SCUBE1: variants seen among roughly 807,000 people sequenced by gnomAD.
SCUBE1 encodes the protein signal peptide, CUB and EGF-like domain-containing protein 1.
A neutral mutation model predicts 124.4 loss-of-function variants in SCUBE1; 59 were observed. The ratio of observed to expected loss-of-function variants is 0.47; its 90% CI spans 0.38 to 0.59. The LOEUF is 0.59. Among genes scored for constraint, SCUBE1 ranks in the 20% least tolerant of loss-of-function variants. SCUBE1 has a pLI of 0.00. For synonymous variants in SCUBE1, 545 were observed against 550.9 expected (o/e 0.99, Z 0.15); for missense variants, 1,150 against 1,371.2 (o/e 0.84, Z 2.55).
At chr22:43,323,107 T>C (rs1180595077) in intron 2 of SCUBE1, among the ~76,000 whole-genome samples, 1 of 152,206 alleles carries the variant, frequency 6.6e-6, no homozygotes, top group African/African-American at 2.4e-5. Flanking sequence ...GACAAAATGC[T>C]TTATACATGA....
Position 43,198,655 on chromosome 22 carries a change from A to G in SCUBE1, c.*5342T>C, listed in dbSNP as rs1291235347. On this transcript the variant is annotated 3_prime_UTR_variant, in exon 22 of 22. Transcript: ENST00000360835. ...GCATCTTTGGTGAAAAGGGACCTCA[A>G]TGTCAGGTGCAGTTTGCCAGGGTGA... is the stretch of plus-strand genomic sequence containing the variant. The G allele has an allele frequency of 2.2e-6, 1 of 456,702 alleles. No individual in the cohort carries two copies. Among genetic ancestry groups the G allele is most frequent in the Admixed American group, 2.3e-5 (1 of 42,582 alleles). The allele number at this position is 456,702 out of a possible 1,614,324, so 28.3% of individuals were successfully genotyped here. A position where few individuals can be genotyped will look rare whatever the true frequency, so the allele number is the denominator to read the frequency against.
At chr22:43,302,781 G>C (rs543098341) in intron 3 of SCUBE1, among the ~76,000 whole-genome samples, 52 of 152,356 alleles carry the variant, frequency 3.4e-4, no homozygotes, top group Admixed American at 2.9e-3. Context: ...GGACTGGAGA[G>C]AGGGAAGGAG....
intron 2 of SCUBE1, among the ~76,000 whole-genome samples, chr22:43,320,461 G>A (rs1926506273): frequency 1.3e-5 from 2 of 152,210 alleles, no homozygotes; most frequent in Admixed American, 6.5e-5. Context: ...CATTTCAACT[G>A]CTCCAGCTTC....
intron 3 of SCUBE1, among the ~76,000 whole-genome samples, chr22:43,306,291 CACTT>C (rs1186578920): frequency 1.3e-5 from 2 of 152,176 alleles, no homozygotes; most frequent in Admixed American, 1.3e-4. Flanking sequence ...CTTCACAAGA[CACTT>C]ATTTATTTAT....
At chr22:43,311,799 C>A (rs1926179733) in intron 3 of SCUBE1, among the ~76,000 whole-genome samples, 1 of 151,998 alleles carries the variant, frequency 6.6e-6, no homozygotes, top group Non-Finnish European at 1.5e-5. Context: ...AAGAGCCCTG[C>A]GAGAGATATC....
intron 3 of SCUBE1, among the ~76,000 whole-genome samples, chr22:43,306,549 C>A (rs909193337): frequency 6.6e-6 from 1 of 152,100 alleles, no homozygotes; most frequent in Non-Finnish European, 1.5e-5. Flanking sequence ...ATCACGAACA[C>A]ACACTCCTAC....
chr22:43,253,654 G>A (rs545681860), intron 6 of SCUBE1, among the ~76,000 whole-genome samples: 2 of 146,658 alleles, frequency 1.4e-5, no homozygotes, highest in South Asian at 4.2e-4. Context: ...CCACTCCGGG[G>A]TCTGGTTCTG....
In SCUBE1 at chr22:43,202,141, ATG is replaced by A. The variant is rs1347555494; in HGVS notation, c.*1854_*1855del. On this transcript the variant is annotated 3_prime_UTR_variant, in exon 22 of 22. Coordinates refer to ENST00000360835, the MANE Select transcript of SCUBE1 (RefSeq NM_173050.5). The stretch of plus-strand genomic sequence containing the variant: ...CCGCGGAGCCCGCTACTGTGGGCAC[ATG>A]TGACGGCGTGAGTAATTGCTGAGCT... The A allele has an allele frequency of 6.6e-6, 1 of 152,262 alleles. No individual in the cohort carries two copies. Among genetic ancestry groups the A allele is most frequent in the Non-Finnish European group, 1.5e-5 (1 of 68,064 alleles). 9.4% of individuals were successfully genotyped at this position (152,262 alleles called of 1,614,324 possible). A position where few individuals can be genotyped will look rare whatever the true frequency, so the allele number is the denominator to read the frequency against.
chr22:43,284,495 G>A (rs1056200882), intron 4 of SCUBE1, among the ~76,000 whole-genome samples: 2 of 152,226 alleles, frequency 1.3e-5, no homozygotes, highest in African/African-American at 4.8e-5. Flanking sequence ...ACAACTGAGA[G>A]GGGTCCCAGA....
At position 43,198,582 on chromosome 22, in the gene SCUBE1, T is replaced by A. The variant is rs778404141; in HGVS notation, c.*5415A>T. The A allele has an allele frequency of 9.6e-5, 44 of 456,620 alleles. No individual in the cohort carries two copies. The highest frequency in any genetic ancestry group is 6.8e-4 in the South Asian group (44 of 64,578). 28.3% of individuals were successfully genotyped at this position (456,620 alleles called of 1,614,324 possible). A position where few individuals can be genotyped will look rare whatever the true frequency, so the allele number is the denominator to read the frequency against. ...CATCCTCACTCCACCCCTCATTACA[T>A]CCTCTGCCCTTGGCCTGAATGATGT... On this transcript the variant is annotated 3_prime_UTR_variant, in exon 22 of 22. Transcript: ENST00000360835.
chr22:43,211,093 G>T lies in SCUBE1; in HGVS notation c.2222-10C>A. ...CCGGGGGAGCAGTGCACTGCCGGGG[G>T]ACACAAGGCAGTGTGGTGGGTGTGG... On this transcript the variant is annotated splice_polypyrimidine_tract_variant and intron_variant, in intron 17 of 21. Coordinates refer to ENST00000360835, the MANE Select transcript of SCUBE1 (RefSeq NM_173050.5). The surrounding 1 kb of genome is among the most constrained non-coding windows in gnomAD (Gnocchi z 4.5). 6.2e-7 allele frequency: 1 copy of T among 1,603,982 alleles called. No homozygotes were observed. Among genetic ancestry groups the T allele is most frequent in the Non-Finnish European group, 8.5e-7 (1 of 1,175,006 alleles).
chr22:43,245,585 G>C (rs893196015), intron 6 of SCUBE1, among the ~76,000 whole-genome samples: 8 of 152,310 alleles, frequency 5.3e-5, no homozygotes, highest in Middle Eastern at 3.4e-3. Context: ...CGCTGCTCGT[G>C]TCTAAGGCTG....
intron 3 of SCUBE1, among the ~76,000 whole-genome samples, chr22:43,296,165 G>A (rs540626069): frequency 1.3e-5 from 2 of 152,288 alleles, no homozygotes; most frequent in East Asian, 1.9e-4. Flanking sequence ...CTACCCTGGC[G>A]ACCCCACACA....
chr22:43,296,284 C>G (rs973963249), intron 3 of SCUBE1, among the ~76,000 whole-genome samples: 4 of 152,216 alleles, frequency 2.6e-5, no homozygotes, highest in African/African-American at 9.7e-5. Context: ...TGTCCCAAAC[C>G]ACTGAGGCCT....
chr22:43,219,621 CTG>C (rs1921999913), intron 14 of SCUBE1, among the ~76,000 whole-genome samples: 1 of 151,636 alleles, frequency 6.6e-6, no homozygotes, highest in Non-Finnish European at 1.5e-5. Context: ...TTACAGGTGC[CTG>C]CCACCACACC....
At chr22:43,219,536 C>T (rs556844026) in intron 14 of SCUBE1, among the ~76,000 whole-genome samples, 27 of 150,312 alleles carry the variant, frequency 1.8e-4, no homozygotes, top group East Asian at 3.9e-4. Context: ...CACAGTGGCG[C>T]GATCTCAGCT....
At chr22:43,335,255 C>T (rs1927025876) in intron 2 of SCUBE1, among the ~76,000 whole-genome samples, 2 of 152,306 alleles carry the variant, frequency 1.3e-5, no homozygotes, top group Admixed American at 6.5e-5. Flanking sequence ...CCAGAGAAGC[C>T]AGCAGGGATC....
intron 6 of SCUBE1, among the ~76,000 whole-genome samples, chr22:43,239,854 T>C (rs907726481): frequency 6.6e-6 from 1 of 152,220 alleles, no homozygotes; most frequent in Non-Finnish European, 1.5e-5. Context: ...TGGATCCCCC[T>C]GCCTGCCTTC....
chr22:43,229,184 G>C lies in SCUBE1; in HGVS notation c.972C>G (p.Ile324Met). 6.3e-7 allele frequency: 1 copy of C among 1,579,328 alleles called. No homozygotes were observed. Residue 324 changes from isoleucine (I) to methionine (M), a missense_variant, in exon 9 of 22, where the codon ATC (isoleucine) becomes ATG (methionine). Coordinates refer to ENST00000360835, the MANE Select transcript of SCUBE1 (RefSeq NM_173050.5). ...AGGTCCGCTCGAAGGAGCACTCGTC[G>C]ATGTCTGCGTGGCCACAGGGAGACA... ...LLTDERTCQD[I>M]DECSFERTCD... is the part of the protein sequence containing the mutation.
Sources: allele counts gnomAD v4.1 joint callset (sites outside exome capture counted in the v4.1 genomes callset), GRCh38; gene constraint gnomAD v4.1.1; non-coding constraint Gnocchi (gnomAD v3.1); transcripts MANE v1.5; gene names NCBI Gene and HGNC (gene_info 2026-07-23, HGNC 2026-07-21).